PSMC3IP: variants seen among roughly 807,000 people sequenced by gnomAD.
PSMC3IP encodes the protein homologous-pairing protein 2 homolog.
In PSMC3IP, 26 loss-of-function variants were observed where a neutral mutation model predicts 34.9. The observed-to-expected ratio is 0.74, with a 90% CI of 0.55 to 1.03. PSMC3IP has a LOEUF of 1.03. Among genes scored for constraint, PSMC3IP ranks in the 50% least tolerant of loss-of-function variants. PSMC3IP has a pLI of 0.00. For synonymous variants in PSMC3IP, 87 were observed against 96.5 expected (o/e 0.90, Z 0.57); for missense variants, 250 against 263.1 (o/e 0.95, Z 0.34).
At position 42,577,251 on chromosome 17, in the gene PSMC3IP, T is replaced by C; in HGVS notation, c.187A>G (p.Lys63Glu). The part of the protein sequence containing the change: ...QLAQQGKIKE[K>E]MYGKQKIYFA... ...TAGATCTTCTGCTTGCCGTACATCT[T>C]CTCTTTGATCTTGCCTTGTTGCGCC... is the stretch of plus-strand genomic sequence containing the variant. The change falls in exon 3 of 8, where the codon AAG becomes GAG. Residue 63 changes from lysine to glutamate, a missense_variant. Lys to Glu is a moderately conservative substitution (Grantham distance 56, BLOSUM62 1). Coordinates refer to ENST00000393795, the MANE Select transcript of PSMC3IP (RefSeq NM_016556.4). 1 of 1,614,064 alleles carries C rather than the reference T, an allele frequency of 6.2e-7. No homozygotes were observed. Among genetic ancestry groups the C allele is most frequent in the Non-Finnish European group, 8.5e-7 (1 of 1,180,002 alleles).
rs2093046811 is a variant in PSMC3IP at position 42,573,147 on chromosome 17, G to C, written c.557C>G (p.Ala186Gly). The change falls in exon 7 of 8, where the codon GCA (alanine) becomes GGA (glycine). Residue 186 changes from alanine to glycine, a missense_variant. Physicochemically the swap from Ala to Gly is moderately conservative, Grantham distance 60. Transcript: ENST00000393795. ...GCTCTTGGGGTATCCTTCAAGTATTGCATCAGACAGCTCTGTAGCCTGACA... is the reference window on the plus strand; with the variant it reads ...GCTCTTGGGGTATCCTTCAAGTATTCCATCAGACAGCTCTGTAGCCTGACA... The part of the protein sequence containing the change: ...RKRMATELSD[A>G]ILEGYPKSKK... 6.2e-7 allele frequency: 1 copy of C among 1,614,108 alleles called. No homozygotes were observed. Among genetic ancestry groups the C allele is most frequent in the South Asian group, 1.1e-5 (1 of 91,090 alleles).
chr17:42,574,214 CCAGA>C lies in PSMC3IP; in HGVS notation c.226-8_226-5del. 2 of 1,613,398 alleles carry C rather than the reference CCAGA, an allele frequency of 1.2e-6. No individual in the cohort carries two copies. Among genetic ancestry groups the C allele is most frequent in the Non-Finnish European group, 1.7e-6 (2 of 1,179,698 alleles). On this transcript the variant is annotated splice_polypyrimidine_tract_variant and splice_region_variant and intron_variant, in intron 3 of 7. Transcript: ENST00000393795. ...CACTCACCATGTCAAACTGGTCCTG[CCAGA>C]CAAAGAGGGAAAATACAAGTGAACT...
intron 6 of PSMC3IP, 64 bp from the exon 7 acceptor site, chr17:42,573,230 G>A: frequency 1.2e-6 from 2 of 1,614,078 alleles, no homozygotes; most frequent in Non-Finnish European, 1.7e-6. Context: ...GTCAGTTTAT[G>A]ATATTGTGTA....
In PSMC3IP at chr17:42,577,482, C is replaced by G; in HGVS notation, c.114G>C (p.Arg38=). ...TCACCGCCTTGCCCAGTCCGTGTTC[C>G]CGCTGTAGGTTCCCGAACACATCCT... The part of the protein sequence containing the change: ...SSQDVFGNLQ[R]EHGLGKAVVV... Residue 38 remains arginine (R), a synonymous_variant, in exon 2 of 8, where the codon CGG becomes CGC. Coordinates refer to ENST00000393795, the MANE Select transcript of PSMC3IP (RefSeq NM_016556.4). 1 of 1,614,136 alleles carries G rather than the reference C, an allele frequency of 6.2e-7. No individual in the cohort carries two copies. The highest frequency in any genetic ancestry group is 1.1e-5 in the South Asian group (1 of 91,080).
chr17:42,572,517 A>C lies in PSMC3IP; in HGVS notation c.*451T>G, dbSNP rs1232200276. ...ATACTTAAAAGGGCTCCTGGGGTACACAAGCCCAGCAGGTCCTGAGTGAAG... is the reference window on the plus strand; with the variant it reads ...ATACTTAAAAGGGCTCCTGGGGTACCCAAGCCCAGCAGGTCCTGAGTGAAG... On this transcript the variant is annotated 3_prime_UTR_variant, in exon 8 of 8. Transcript: ENST00000393795. The C allele has an allele frequency of 1.5e-5, 7 of 454,356 alleles. No individual in the cohort carries two copies. Among genetic ancestry groups the C allele is most frequent in the East Asian group, 6.9e-5 (1 of 14,528 alleles). The allele number at this position is 454,356 out of a possible 1,614,324, so 28.1% of individuals were successfully genotyped here.
intron 3 of PSMC3IP, among the ~76,000 whole-genome samples, chr17:42,576,177 A>C (rs900992321): frequency 6.6e-6 from 1 of 152,268 alleles, no homozygotes; most frequent in Non-Finnish European, 1.5e-5. Context: ...GGTACAGGGA[A>C]GACAACATGC....
chr17:42,572,957 C>T lies in PSMC3IP; in HGVS notation c.*11G>A, dbSNP rs765317605. 3 of 1,613,936 alleles carry T rather than the reference C, an allele frequency of 1.9e-6. No homozygotes were observed. Among genetic ancestry groups the T allele is most frequent in the Non-Finnish European group, 8.5e-7 (1 of 1,179,872 alleles). On this transcript the variant is annotated 3_prime_UTR_variant, in exon 8 of 8. Transcript: ENST00000393795. ...ATCCTGCAGTCCCCACCAGTCCTGA[C>T]CGTGGGCCCCTCAGGGGTCTGGGAG...
rs2093081975 is a variant in PSMC3IP, at chr17:42,577,319, A to G, written c.136-17T>C. ...CACCACCACCTGGCAGAGGAGAGAG[A>G]AGGAGCAATCAGAGGAGTCTGAGCC... On this transcript the variant is annotated splice_polypyrimidine_tract_variant and intron_variant, in intron 2 of 7. Transcript: ENST00000393795. The G allele has an allele frequency of 6.2e-7, 1 of 1,613,500 alleles. No individual in the cohort carries two copies. The highest frequency in any genetic ancestry group is 1.1e-5 in the South Asian group (1 of 91,074).
At chr17:42,574,803 G>A (rs1410427819) in intron 3 of PSMC3IP, among the ~76,000 whole-genome samples, 1 of 141,428 alleles carries the variant, frequency 7.1e-6, no homozygotes, top group Non-Finnish European at 1.6e-5. Flanking sequence ...ACCCAGGCCA[G>A]AGTGCAGTGG....
Position 42,573,531 on chromosome 17 carries a change from ATC to A in PSMC3IP, c.428_429del (p.Arg143IlefsTer5), listed in dbSNP as rs780762374. On this transcript the variant is annotated frameshift_variant, in exon 5 of 8. Coordinates refer to ENST00000393795, the MANE Select transcript of PSMC3IP (RefSeq NM_016556.4). LOFTEE classifies it high-confidence loss of function. ...LKKECAGYRERLKNIKAATNH... is the reference protein window; with the variant it reads ...LKKECAGYREXLKNIKAATNH... ...TTGGTAGCTGCTTTAATGTTCTTCA[ATC>A]TCTCTCTGTAGCCAGCGCATTCCTT... 1.9e-6 allele frequency: 3 copies of A among 1,613,984 alleles called. No individual in the cohort carries two copies. The highest frequency in any genetic ancestry group is 2.5e-6 in the Non-Finnish European group (3 of 1,180,004).
intron 3 of PSMC3IP, chr17:42,576,773 C>T: frequency 4.1e-6 from 1 of 244,916 alleles, no homozygotes; most frequent in East Asian, 1.1e-4. Flanking sequence ...TAGAAAGAAA[C>T]CAGTCCGGGG....
Position 42,574,181 on chromosome 17 carries a change from G to A in PSMC3IP, c.255C>T (p.Asp85=), listed in dbSNP as rs771091342. ...CGATTTTGCCATCTAGGACTTGAAG[G>A]TCAGCATCACTCACCATGTCAAACT... The part of the protein sequence containing the change: ...QDQFDMVSDA[D]LQVLDGKIVA... Residue 85 remains aspartate (D), a synonymous_variant, in exon 4 of 8, where the codon GAC becomes GAT. Coordinates refer to ENST00000393795, the MANE Select transcript of PSMC3IP (RefSeq NM_016556.4). The A allele has an allele frequency of 3.7e-6, 6 of 1,614,114 alleles. No individual in the cohort carries two copies. The highest frequency in any genetic ancestry group is 5.1e-6 in the Non-Finnish European group (6 of 1,180,010).
chr17:42,577,543 C>T lies in PSMC3IP; in HGVS notation c.53G>A (p.Arg18Lys), dbSNP rs1032296528. Residue 18 changes from arginine to lysine, a missense_variant, in exon 2 of 8, where the codon AGG (arginine) becomes AAG (lysine). Transcript: ENST00000393795. The stretch of plus-strand genomic sequence containing the variant: ...GGGCCGGTTCTGCTCCTGCAGGTAC[C>T]TCAGGAGGATCCCGGCGGCTACGGA... ...AAAGAAGILL[R>K]YLQEQNRPYS... 1.2e-6 allele frequency: 2 copies of T among 1,614,202 alleles called. No individual in the cohort carries two copies. The highest frequency in any genetic ancestry group is 1.7e-6 in the Non-Finnish European group (2 of 1,180,032).
upstream of PSMC3IP, chr17:42,577,817 C>T: frequency 9.0e-7 from 1 of 1,106,360 alleles, no homozygotes; most frequent in Non-Finnish European, 1.4e-6. Context: ...AGCAAAGCGA[C>T]CCCTCCCGGA....
At position 42,573,021 on chromosome 17, in the gene PSMC3IP, C is replaced by T. The variant is rs1383163252; in HGVS notation, c.601G>A (p.Glu201Lys). 6.2e-7 allele frequency: 1 copy of T among 1,614,238 alleles called. No homozygotes were observed. The highest frequency in any genetic ancestry group is 1.1e-5 in the South Asian group (1 of 91,082). ...YPKSKKQFFE[E>K]VGIETDEDYN... is the part of the protein sequence containing the mutation. ...TCTTCATCCGTCTCTATCCCAACTT[C>T]CTCCTGTGAGACAGGGAGACAAGTG... is the stretch of plus-strand genomic sequence containing the variant. Residue 201 changes from glutamate to lysine, a missense_variant, in exon 8 of 8, where the codon GAA (glutamate) becomes AAA (lysine). Physicochemically the swap from Glu to Lys is moderately conservative, Grantham distance 56 (BLOSUM62 1). Coordinates refer to ENST00000393795, the MANE Select transcript of PSMC3IP (RefSeq NM_016556.4).
intron 3 of PSMC3IP, among the ~76,000 whole-genome samples, chr17:42,575,546 C>G (rs1214169913): frequency 6.6e-6 from 1 of 152,182 alleles, no homozygotes; most frequent in Non-Finnish European, 1.5e-5. Context: ...TTAGGAAAGT[C>G]AGCCTTAAAA....
In PSMC3IP at chr17:42,572,867, CAGGA is replaced by C; in HGVS notation, c.*97_*100del. On this transcript the variant is annotated 3_prime_UTR_variant, in exon 8 of 8. Coordinates refer to ENST00000393795, the MANE Select transcript of PSMC3IP (RefSeq NM_016556.4). ...CTGCTCTGCTTAAAGGTGAAAGTAG[CAGGA>C]ACAACAACAAAAGCCAACCAAAAAC... is the stretch of plus-strand genomic sequence containing the variant. 2 of 1,363,736 alleles carry C rather than the reference CAGGA, an allele frequency of 1.5e-6. No individual in the cohort carries two copies. Among genetic ancestry groups the C allele is most frequent in the South Asian group, 2.4e-5 (2 of 84,760 alleles). 84.5% of individuals were successfully genotyped at this position (1,363,736 alleles called of 1,614,324 possible). A position where few individuals can be genotyped will look rare whatever the true frequency, so the allele number is the denominator to read the frequency against.
At position 42,573,551 on chromosome 17, in the gene PSMC3IP, C is replaced by T. The variant is rs1291620375; in HGVS notation, c.410G>A (p.Cys137Tyr). ...QKEIQELKKE[C>Y]AGYRERLKNI... ...CTTCAATCTCTCTCTGTAGCCAGCG[C>T]ATTCCTTCTTTAACTCCTGGATTTC... Residue 137 changes from cysteine (C) to tyrosine (Y), a missense_variant, in exon 5 of 8, where the codon TGC becomes TAC. Transcript: ENST00000393795. 1.2e-6 allele frequency: 2 copies of T among 1,614,080 alleles called. No individual in the cohort carries two copies. Among genetic ancestry groups the T allele is most frequent in the East Asian group, 2.2e-5 (1 of 44,904 alleles).
At chr17:42,573,058 A>G (rs2093045688) in intron 7 of PSMC3IP, 34 bp from the exon 8 acceptor site, 2 of 1,614,024 alleles carry the variant, frequency 1.2e-6, no homozygotes, top group African/African-American at 2.7e-5. Flanking sequence ...ATGAGATGTC[A>G]CCAGGATAAG....
Sources: gnomAD v4.1 joint callset for allele counts (sites outside exome capture counted in the v4.1 genomes callset) on GRCh38, gnomAD v4.1.1 for gene constraint, MANE v1.5 for transcripts, NCBI Gene and HGNC (gene_info 2026-07-23, HGNC 2026-07-21) for gene names.